Variants in SEC14L4 observed in about 807,000 individuals in gnomAD.
The protein encoded by SEC14L4 is SEC14-like protein 4.
In SEC14L4, 42 loss-of-function variants were observed where a neutral mutation model predicts 55.1. The ratio of observed to expected loss-of-function variants is 0.76; its 90% CI spans 0.60 to 0.99. SEC14L4 has a LOEUF of 0.99. Ranked by LOEUF, SEC14L4 falls within the 50% of genes least tolerant of loss-of-function variation. The probability of loss-of-function intolerance (pLI) is 0.00; values close to 1 mark genes in which losing one functional copy is unlikely to be tolerated. For missense variants in SEC14L4, 445 were observed against 512.1 expected (o/e 0.87, Z 1.27); for synonymous variants, 206 against 206.8 (o/e 1.00, Z 0.03).
At position 30,495,618 on chromosome 22, in the gene SEC14L4, C is replaced by T; in HGVS notation, c.199G>A (p.Asp67Asn). 6.2e-7 allele frequency: 1 copy of T among 1,614,020 alleles called. No individual in the cohort carries two copies. Among genetic ancestry groups the T allele is most frequent in the African/African-American group, 1.3e-5 (1 of 75,022 alleles). The change falls in exon 4 of 12, where the codon GAC becomes AAC. Residue 67 changes from aspartate to asparagine, a missense_variant. By Grantham distance (23) the Asp-to-Asn change is conservative. Coordinates refer to ENST00000255858, the MANE Select transcript of SEC14L4 (RefSeq NM_174977.4). Reference sequence around the variant, plus strand: ...TGCCATGTGACAATGTTGTCCAGGTCTTGTTGCTTCCGGAACTCCATGTGC... The same window carrying T: ...TGCCATGTGACAATGTTGTCCAGGTTTTGTTGCTTCCGGAACTCCATGTGC... Reference protein sequence around the residue: ...RRHMEFRKQQDLDNIVTWQPP... With the variant: ...RRHMEFRKQQNLDNIVTWQPP...
intron 1 of SEC14L4, among the ~76,000 whole-genome samples, chr22:30,504,761 G>C (rs1033929628): frequency 1.3e-5 from 2 of 152,190 alleles, no homozygotes; most frequent in African/African-American, 4.8e-5. Flanking sequence ...CTTCCCTGGG[G>C]ACCAACAGAG....
At chr22:30,505,131 CAAA>C (rs528308322) in intron 1 of SEC14L4, among the ~76,000 whole-genome samples, 3 of 69,174 alleles carry the variant, frequency 4.3e-5, no homozygotes, top group Non-Finnish European at 3.0e-5. Context: ...GACTCCATCT[CAAA>C]AAAAAAAAAA....
chr22:30,498,743 A>T (rs545474719), intron 2 of SEC14L4, among the ~76,000 whole-genome samples: 2 of 152,164 alleles, frequency 1.3e-5, no homozygotes, highest in East Asian at 3.9e-4. Context: ...CTATCCCTAG[A>T]TTGGTAAGAC....
intron 2 of SEC14L4, among the ~76,000 whole-genome samples, chr22:30,497,733 T>C (rs1936195557): frequency 6.6e-6 from 1 of 152,116 alleles, no homozygotes; most frequent in Non-Finnish European, 1.5e-5. Context: ...ATTCTGCAAA[T>C]ATTTGAAGAC....
chr22:30,489,778 G>A lies in SEC14L4; in HGVS notation c.*329C>T. 4.5e-6 allele frequency: 6 copies of A among 1,332,438 alleles called. No homozygotes were observed. The highest frequency in any genetic ancestry group is 5.3e-6 in the Non-Finnish European group (5 of 946,908). The allele number at this position is 1,332,438 out of a possible 1,614,324, so 82.5% of individuals were successfully genotyped here. ...ACCAGGCATGGGTGAGTCCTGGGTG[G>A]CTGGATCTTGTCAAGATGGGTGAAA... is the stretch of plus-strand genomic sequence containing the variant. On this transcript the variant is annotated 3_prime_UTR_variant, in exon 12 of 12. Transcript: ENST00000255858.
Position 30,490,004 on chromosome 22 carries a change from G to A in SEC14L4, c.*103C>T. The A allele has an allele frequency of 6.4e-7, 1 of 1,566,290 alleles. No individual in the cohort carries two copies. Among genetic ancestry groups the A allele is most frequent in the Admixed American group, 1.9e-5 (1 of 52,230 alleles). On this transcript the variant is annotated 3_prime_UTR_variant, in exon 12 of 12. Transcript: ENST00000255858. ...GATGAAATGGTGACGTGGGACAAGTGGCTCTCTGCAGCCACCTCCAGCACC... is the reference window on the plus strand; with the variant it reads ...GATGAAATGGTGACGTGGGACAAGTAGCTCTCTGCAGCCACCTCCAGCACC...
Position 30,489,623 on chromosome 22 carries a change from T to C in SEC14L4, c.*484A>G. On this transcript the variant is annotated 3_prime_UTR_variant, in exon 12 of 12. Coordinates refer to ENST00000255858, the MANE Select transcript of SEC14L4 (RefSeq NM_174977.4). ...GCTGGAACCAGGACCCTCACCCAGC[T>C]GCCTCCAGCTGGGCCTGCCCACCCC... The C allele has an allele frequency of 1.7e-6, 1 of 587,406 alleles. No individual in the cohort carries two copies. Among genetic ancestry groups the C allele is most frequent in the South Asian group, 2.1e-5 (1 of 48,334 alleles). The allele number at this position is 587,406 out of a possible 1,614,324, so 36.4% of individuals were successfully genotyped here. A position where few individuals can be genotyped will look rare whatever the true frequency, so the allele number is the denominator to read the frequency against.
chr22:30,503,681 C>A lies in SEC14L4; in HGVS notation c.126G>T (p.Leu42=). The change falls in exon 2 of 12, where the codon CTG becomes CTT. Residue 42 remains leucine (L), a synonymous_variant. Coordinates refer to ENST00000255858, the MANE Select transcript of SEC14L4 (RefSeq NM_174977.4). The part of the protein sequence containing the change: ...NADDYFLLRW[L]RARNFDLQKS... ...CCTGACCCCTGCAAGCCTCACCTCG[C>A]AGCCAGCGCAGGAGGAAGTAGTCAT... is the stretch of plus-strand genomic sequence containing the variant. 1 of 1,610,736 alleles carries A rather than the reference C, an allele frequency of 6.2e-7. No homozygotes were observed. The highest frequency in any genetic ancestry group is 8.5e-7 in the Non-Finnish European group (1 of 1,177,490).
Position 30,491,604 on chromosome 22 carries a change from A to T in SEC14L4, c.1050T>A (p.Asp350Glu). ...QRYNAHMVPEDGSLTCLQAGV... is the reference protein window; with the variant it reads ...QRYNAHMVPEEGSLTCLQAGV... ...CAGCCTGGAGGCAGGTGAGGCTCCCATCCTCAGGCACCATGTGGGCATTGT... is the reference window on the plus strand; with the variant it reads ...CAGCCTGGAGGCAGGTGAGGCTCCCTTCCTCAGGCACCATGTGGGCATTGT... The change falls in exon 11 of 12, where the codon GAT (aspartate) becomes GAA (glutamate). Residue 350 changes from aspartate to glutamate, a missense_variant. By Grantham distance (45) the Asp-to-Glu change is conservative. Coordinates refer to ENST00000255858, the MANE Select transcript of SEC14L4 (RefSeq NM_174977.4). 1 of 1,614,118 alleles carries T rather than the reference A, an allele frequency of 6.2e-7. No individual in the cohort carries two copies. Among genetic ancestry groups the T allele is most frequent in the South Asian group, 1.1e-5 (1 of 91,074 alleles).
At chr22:30,491,022 G>T (rs1935935107) in intron 11 of SEC14L4, among the ~76,000 whole-genome samples, 1 of 152,188 alleles carries the variant, frequency 6.6e-6, no homozygotes, top group South Asian at 2.1e-4. Flanking sequence ...ATAAGGTAAT[G>T]TGTTGACTTA....
intron 7 of SEC14L4, 149 bp downstream of exon 7, chr22:30,494,001 C>A: frequency 1.6e-6 from 1 of 644,718 alleles, no homozygotes; most frequent in Non-Finnish European, 2.8e-6. Context: ...GAGACTCCAT[C>A]TCAATAACTA....
Position 30,494,133 on chromosome 22 carries a change from C to T in SEC14L4, c.580+17G>A, listed in dbSNP as rs780420607. ...TGCTTCTCCCTCCCCAGGAGGTCAT[C>T]CCGGTCATGGGCTTACCTCGAATAA... On this transcript the variant is annotated intron_variant, in intron 7 of 11. Transcript: ENST00000255858. 11 of 1,603,764 alleles carry T rather than the reference C, an allele frequency of 6.9e-6. No homozygotes were observed. The Admixed American group carries it at 1.3e-4, about 19-fold the overall frequency.
intron 7 of SEC14L4, 59 bp from the exon 8 acceptor site, chr22:30,492,616 C>G: frequency 7.4e-7 from 1 of 1,356,252 alleles, no homozygotes; most frequent in African/African-American, 1.4e-5. Context: ...GGATACAGAG[C>G]CACAGCCAAG....
At position 30,505,624 on chromosome 22, in the gene SEC14L4, C is replaced by A. The variant is rs998615426; in HGVS notation, c.-13G>T. Reference sequence around the variant, plus strand: ...CTCGGCTGCTCATGGTGCCCGCGGGCGCAGAAAGGCTCAGGGCGCAGGTCC... The same window carrying A: ...CTCGGCTGCTCATGGTGCCCGCGGGAGCAGAAAGGCTCAGGGCGCAGGTCC... On this transcript the variant is annotated 5_prime_UTR_variant, in exon 1 of 12. Coordinates refer to ENST00000255858, the MANE Select transcript of SEC14L4 (RefSeq NM_174977.4). The A allele has an allele frequency of 2.6e-6, 4 of 1,548,390 alleles. No homozygotes were observed. Among genetic ancestry groups the A allele is most frequent in the South Asian group, 2.4e-5 (2 of 84,524 alleles).
In SEC14L4 at chr22:30,495,981, G is replaced by A; in HGVS notation, c.131-10C>T. 1 of 1,552,660 alleles carries A rather than the reference G, an allele frequency of 6.4e-7. No individual in the cohort carries two copies. The highest frequency in any genetic ancestry group is 8.8e-7 in the Non-Finnish European group (1 of 1,137,732). ...AGGTCAAAGTTTCGAGCTGCAAGAA[G>A]AGGAGGTAAATAGAAGCTCAAGGCT... On this transcript the variant is annotated splice_polypyrimidine_tract_variant and intron_variant, in intron 2 of 11. Transcript: ENST00000255858.
intron 2 of SEC14L4, among the ~76,000 whole-genome samples, chr22:30,501,886 C>CT (rs1297528642): frequency 1.0e-4 from 9 of 88,534 alleles, no homozygotes; most frequent in Admixed American, 3.7e-4. Flanking sequence ...CATACACATA[C>CT]TTTTTTTTTT....
Position 30,492,987 on chromosome 22 carries a change from G to A in SEC14L4, c.581-430C>T, listed in dbSNP as rs141016981. ...TAATCCCGGCTACTCGGGTGGCAGC[G>A]GCACAAGAATTGCTTGAACCTGGGA... On this transcript the variant is annotated intron_variant, in intron 7 of 11. Transcript: ENST00000255858. Among the ~76,000 whole-genome samples the A allele has an allele frequency of 6.6e-3, 995 of 151,478 alleles. 12 individuals carry two copies. Among genetic ancestry groups the A allele is most frequent in the South Asian group, 0.03 (143 of 4,778 alleles).
intron 2 of SEC14L4, among the ~76,000 whole-genome samples, 186 bp downstream of exon 2, chr22:30,503,491 G>T (rs1416714011): frequency 6.6e-6 from 1 of 152,020 alleles, no homozygotes; most frequent in Non-Finnish European, 1.5e-5. Context: ...TCGAACTCCC[G>T]ACCTCAGGTG....
intron 2 of SEC14L4, among the ~76,000 whole-genome samples, chr22:30,496,788 A>C (rs537641315): frequency 6.6e-6 from 1 of 152,222 alleles, no homozygotes. Flanking sequence ...TGTTTGGCCC[A>C]ATACCTGGCT....
Sources: allele counts gnomAD v4.1 joint callset (sites outside exome capture counted in the v4.1 genomes callset), GRCh38; gene constraint gnomAD v4.1.1; transcripts MANE v1.5; gene names NCBI Gene and HGNC (gene_info 2026-07-23, HGNC 2026-07-21).